The following GDPD5 variants were observed in gnomAD, a reference collection of about 807,000 sequenced individuals.
The protein encoded by GDPD5 is glycerophosphodiester phosphodiesterase 2.
In GDPD5, 48 loss-of-function variants were observed where a neutral mutation model predicts 75.1. The ratio of observed to expected loss-of-function variants is 0.64; its 90% CI spans 0.51 to 0.81. The LOEUF (loss-of-function observed/expected upper bound fraction) is 0.81. Ranked by LOEUF, GDPD5 falls within the 40% of genes least tolerant of loss-of-function variation. GDPD5 has a pLI of 0.00. For missense variants in GDPD5, 706 were observed against 822.6 expected (o/e 0.86, Z 1.73); for synonymous variants, 336 against 339.0 (o/e 0.99, Z 0.10).
intron 2 of GDPD5, chr11:75,485,560 C>G (rs1048065319): frequency 6.6e-6 from 1 of 150,614 alleles, no homozygotes; most frequent in Non-Finnish European, 1.5e-5. Context: ...CACGTGTGCA[C>G]CCGCACCCAA....
chr11:75,495,949 T>A (rs1950201047), intron 1 of GDPD5, among the ~76,000 whole-genome samples: 2 of 152,176 alleles, frequency 1.3e-5, no homozygotes, highest in Admixed American at 1.3e-4. Context: ...ACATGGAAGG[T>A]CCTTATGCTT....
At chr11:75,510,127 G>A (rs991807673) in intron 1 of GDPD5, among the ~76,000 whole-genome samples, 2 of 152,354 alleles carry the variant, frequency 1.3e-5, no homozygotes, top group Non-Finnish European at 2.9e-5. Flanking sequence ...AAAGCACGAG[G>A]GGCAAAGTTC....
chr11:75,500,671 C>T (rs773119769), intron 1 of GDPD5, among the ~76,000 whole-genome samples: 3 of 152,198 alleles, frequency 2.0e-5, no homozygotes, highest in African/African-American at 4.8e-5. Context: ...GTCATCTGCA[C>T]CTGGACATCC....
intron 3 of GDPD5, among the ~76,000 whole-genome samples, chr11:75,465,668 G>T (rs1032216960): frequency 6.6e-6 from 1 of 152,204 alleles, no homozygotes; most frequent in Non-Finnish European, 1.5e-5. Flanking sequence ...CCACAAAAAA[G>T]TACCTAGTCT....
At chr11:75,445,724 C>G (rs182959062) in intron 9 of GDPD5, among the ~76,000 whole-genome samples, 1 of 152,342 alleles carries the variant, frequency 6.6e-6, no homozygotes, top group Non-Finnish European at 1.5e-5. Context: ...CCACTCCCCT[C>G]TTTTGTGACA....
At chr11:75,524,613 T>G (rs893853724) in intron 1 of GDPD5, among the ~76,000 whole-genome samples, 1 of 152,166 alleles carries the variant, frequency 6.6e-6, no homozygotes, top group Non-Finnish European at 1.5e-5. Flanking sequence ...TGCAGTGAAT[T>G]CACCAACAGA....
At chr11:75,513,071 G>A (rs1014628673) in intron 1 of GDPD5, among the ~76,000 whole-genome samples, 1 of 152,214 alleles carries the variant, frequency 6.6e-6, no homozygotes, top group Non-Finnish European at 1.5e-5. Context: ...ATCACACGTG[G>A]AGGGTTCTGG....
At chr11:75,521,130 C>G (rs1030866271) in intron 1 of GDPD5, among the ~76,000 whole-genome samples, 1 of 152,146 alleles carries the variant, frequency 6.6e-6, no homozygotes, top group African/African-American at 2.4e-5. Flanking sequence ...CCCTGCTCCC[C>G]ATAGACATGG....
intron 2 of GDPD5, among the ~76,000 whole-genome samples, chr11:75,484,662 A>G (rs766006116): frequency 6.6e-6 from 1 of 152,086 alleles, no homozygotes. Flanking sequence ...AGGCAGGAGG[A>G]TCACTTGAGG....
At chr11:75,435,707 G>A (rs1948608425) in intron 16 of GDPD5, 52 bp from the exon 17 acceptor site, 3 of 1,544,236 alleles carry the variant, frequency 1.9e-6, no homozygotes, top group Middle Eastern at 1.7e-4. Context: ...GCAGTCGTGA[G>A]GATGGGTGAC....
At chr11:75,487,609 G>A (rs767646806) in intron 2 of GDPD5, among the ~76,000 whole-genome samples, 20 of 152,252 alleles carry the variant, frequency 1.3e-4, no homozygotes, top group South Asian at 2.1e-4. Flanking sequence ...AGGGCCTCCT[G>A]TTTACCCAAC....
chr11:75,448,939 C>T (rs1381750099), intron 9 of GDPD5, 38 bp downstream of exon 9: 9 of 1,527,372 alleles, frequency 5.9e-6, no homozygotes, highest in Non-Finnish European at 7.8e-6. Flanking sequence ...TCGCACCCCA[C>T]CCCAACGGGG....
chr11:75,439,745 G>A (rs1052075973), intron 15 of GDPD5, 134 bp downstream of exon 15: 3 of 729,040 alleles, frequency 4.1e-6, no homozygotes, highest in Admixed American at 2.4e-5. Flanking sequence ...GGCCACCGGA[G>A]TCCGTCCTTC....
intron 1 of GDPD5, among the ~76,000 whole-genome samples, chr11:75,501,758 C>G (rs1790303): frequency 6.6e-6 from 1 of 151,914 alleles, no homozygotes; most frequent in Non-Finnish European, 1.5e-5. Context: ...GAGGAGGAGG[C>G]CACCGGCCCT....
intron 2 of GDPD5, 84 bp from the exon 3 acceptor site, chr11:75,477,879 G>T: frequency 3.8e-6 from 2 of 528,370 alleles, no homozygotes; most frequent in Non-Finnish European, 3.4e-6. Context: ...GCCTAGGTCA[G>T]GGAGGGTCAC....
intron 2 of GDPD5, among the ~76,000 whole-genome samples, chr11:75,486,087 G>A (rs1052948771): frequency 6.6e-6 from 1 of 152,170 alleles, no homozygotes; most frequent in African/African-American, 2.4e-5. Context: ...ATCATGGGAG[G>A]GTTTGAGCAC....
At chr11:75,503,051 C>G (rs1333085482) in intron 1 of GDPD5, among the ~76,000 whole-genome samples, 2 of 152,196 alleles carry the variant, frequency 1.3e-5, no homozygotes, top group African/African-American at 4.8e-5. Context: ...GACTGAGTCT[C>G]GCTTTATCGC....
At chr11:75,456,916 C>A in intron 5 of GDPD5, 100 bp from the exon 6 acceptor site, 1 of 1,222,694 alleles carries the variant, frequency 8.2e-7, no homozygotes, top group South Asian at 1.2e-5. Context: ...CTGGGCCTGA[C>A]CCTGGGCAGA....
intron 15 of GDPD5, chr11:75,438,068 G>C (rs966579038): frequency 6.6e-6 from 1 of 152,478 alleles, no homozygotes; most frequent in Non-Finnish European, 1.5e-5. Flanking sequence ...TGGACAGACA[G>C]ATGGACAGGC....
Sources: gnomAD v4.1 joint callset for allele counts (sites outside exome capture counted in the v4.1 genomes callset) on GRCh38, gnomAD v4.1.1 for gene constraint, MANE v1.5 for transcripts, NCBI Gene and HGNC (gene_info 2026-07-23, HGNC 2026-07-21) for gene names.